The following MTHFS variants were observed in gnomAD, a reference collection of about 807,000 sequenced individuals.
MTHFS encodes methenyltetrahydrofolate synthetase.
A neutral mutation model predicts 12.7 loss-of-function variants in MTHFS; 7 were observed. The ratio of observed to expected loss-of-function variants is 0.55; its 90% CI spans 0.31 to 1.03. The LOEUF is 1.03. Among genes scored for constraint, MTHFS ranks in the 50% least tolerant of loss-of-function variants. The probability of loss-of-function intolerance (pLI) is 0.05; values close to 1 mark genes in which losing one functional copy is unlikely to be tolerated. For missense variants in MTHFS, 252 were observed against 258.1 expected, an observed-to-expected ratio of 0.98 and a Z score of 0.16; for synonymous variants, 100 against 97.1, an observed-to-expected ratio of 1.03 and a Z score of -0.18.
intron 2 of MTHFS, among the ~76,000 whole-genome samples, chr15:79,880,322 C>T (rs778141444): frequency 7.2e-5 from 11 of 151,952 alleles, no homozygotes; most frequent in Admixed American, 1.3e-4. Context: ...CCTTGTGATC[C>T]GCCTTCCTCA....
chr15:79,869,486 A>G (rs2034067252), intron 2 of MTHFS, among the ~76,000 whole-genome samples: 1 of 152,202 alleles, frequency 6.6e-6, no homozygotes. Context: ...TCTGTTGCCC[A>G]GGTGGGAGTG....
chr15:79,877,810 T>A (rs1255254038), intron 2 of MTHFS: 1 of 152,006 alleles, frequency 6.6e-6, no homozygotes, highest in East Asian at 1.9e-4. Context: ...AATGATGACT[T>A]CTCATCAGAA....
At chr15:79,888,054 T>C (rs2034410394) in intron 2 of MTHFS, among the ~76,000 whole-genome samples, 1 of 152,154 alleles carries the variant, frequency 6.6e-6, no homozygotes, top group Admixed American at 6.5e-5. Flanking sequence ...CACTTAAGTC[T>C]TAGTCAAAAA....
intron 2 of MTHFS, among the ~76,000 whole-genome samples, chr15:79,855,387 G>C (rs2033781320): frequency 6.6e-6 from 1 of 152,144 alleles, no homozygotes; most frequent in African/African-American, 2.4e-5. Context: ...TTGATAATCA[G>C]ATGGACCTAA....
chr15:79,878,710 C>T (rs2034242460), intron 2 of MTHFS, among the ~76,000 whole-genome samples: 1 of 151,518 alleles, frequency 6.6e-6, no homozygotes, highest in African/African-American at 2.4e-5. Flanking sequence ...TTTTTCTTCT[C>T]CCTATGTGGA....
intron 1 of MTHFS, chr15:79,896,650 C>A: frequency 1.2e-6 from 1 of 804,186 alleles, no homozygotes; most frequent in Non-Finnish European, 1.8e-6. Context: ...TCTTTAGCCC[C>A]ACAACTTTCA....
At chr15:79,892,370 TG>T (rs1211234700) in intron 1 of MTHFS, among the ~76,000 whole-genome samples, 1 of 152,000 alleles carries the variant, frequency 6.6e-6, no homozygotes, top group Non-Finnish European at 1.5e-5. Flanking sequence ...TAACAGACGA[TG>T]AAAAAGAATC....
At chr15:79,856,881 A>T (rs958774815) in intron 2 of MTHFS, among the ~76,000 whole-genome samples, 1 of 152,198 alleles carries the variant, frequency 6.6e-6, no homozygotes. Flanking sequence ...AAGAAAAAAA[A>T]GTCTAGCTTA....
chr15:79,879,826 A>G (rs745982006), intron 2 of MTHFS, among the ~76,000 whole-genome samples: 37 of 152,176 alleles, frequency 2.4e-4, no homozygotes, highest in Admixed American at 5.9e-4. Context: ...AACTCTGACT[A>G]AAATCAAAAT....
chr15:79,891,111 G>C (rs2034465005), intron 1 of MTHFS, among the ~76,000 whole-genome samples: 1 of 152,154 alleles, frequency 6.6e-6, no homozygotes, highest in African/African-American at 2.4e-5. Context: ...CCTAATTTCT[G>C]TAAGACAAAG....
At chr15:79,847,267 G>A (rs549876486) in intron 2 of MTHFS, among the ~76,000 whole-genome samples, 9 of 152,272 alleles carry the variant, frequency 5.9e-5, no homozygotes, top group Non-Finnish European at 1.3e-4. Flanking sequence ...TCAACCTGAG[G>A]AGTAGCAGAA....
chr15:79,855,612 C>T (rs1400516655), intron 2 of MTHFS, among the ~76,000 whole-genome samples: 2 of 152,100 alleles, frequency 1.3e-5, no homozygotes, highest in Non-Finnish European at 2.9e-5. Flanking sequence ...TATTTCATCA[C>T]CCAGGTACTA....
chr15:79,896,831 G>T, intron 1 of MTHFS, 41 bp downstream of exon 1: 1 of 1,538,184 alleles, frequency 6.5e-7, no homozygotes, highest in Admixed American at 2.0e-5. Context: ...GGCCTTCGGA[G>T]GGTCTGTCCG....
chr15:79,875,254 A>G (rs1419655541), intron 2 of MTHFS, among the ~76,000 whole-genome samples: 1 of 151,190 alleles, frequency 6.6e-6, no homozygotes, highest in African/African-American at 2.4e-5. Flanking sequence ...AGGGTCCCTG[A>G]CTTCCCGCAA....
At chr15:79,886,243 T>A (rs75867406) in intron 2 of MTHFS, among the ~76,000 whole-genome samples, 1 of 152,196 alleles carries the variant, frequency 6.6e-6, no homozygotes, top group Non-Finnish European at 1.5e-5. Flanking sequence ...TCTGATCAGC[T>A]TGTCCCAAAC....
At position 79,845,518 on chromosome 15, in the gene MTHFS, T is replaced by A; in HGVS notation, c.380-76A>T. On this transcript the variant is annotated intron_variant, in intron 2 of 2. Coordinates refer to ENST00000258874, the MANE Select transcript of MTHFS (RefSeq NM_006441.4). ...ATTTCAGGATGTGTTTTTTGTTTTGTAATGACATCAATTCTTTCTCTGATT... is the reference window on the plus strand; with the variant it reads ...ATTTCAGGATGTGTTTTTTGTTTTGAAATGACATCAATTCTTTCTCTGATT... The A allele has an allele frequency of 2.0e-6, 3 of 1,525,726 alleles. No homozygotes were observed. In the South Asian group the frequency reaches 3.8e-5, roughly 19 times the overall value. 94.5% of individuals were successfully genotyped at this position (1,525,726 alleles called of 1,614,324 possible).
intron 2 of MTHFS, among the ~76,000 whole-genome samples, chr15:79,886,288 T>C (rs2034381112): frequency 6.6e-6 from 1 of 152,210 alleles, no homozygotes; most frequent in Non-Finnish European, 1.5e-5. Flanking sequence ...AGCACTGAAG[T>C]TGTCACATTT....
At chr15:79,849,429 C>G (rs554557541) in intron 2 of MTHFS, among the ~76,000 whole-genome samples, 1 of 152,284 alleles carries the variant, frequency 6.6e-6, no homozygotes, top group East Asian at 1.9e-4. Context: ...TTTGGGAACA[C>G]TATGCTGGAT....
intron 2 of MTHFS, among the ~76,000 whole-genome samples, chr15:79,856,869 T>C (rs1034306535): frequency 7.2e-5 from 11 of 151,972 alleles, no homozygotes; most frequent in Admixed American, 6.5e-4. Context: ...GAGGGTGTAC[T>C]CAAGAAAAAA....
Sources: allele counts gnomAD v4.1 joint callset (sites outside exome capture counted in the v4.1 genomes callset), GRCh38; gene constraint gnomAD v4.1.1; transcripts MANE v1.5; gene names NCBI Gene and HGNC (gene_info 2026-07-23, HGNC 2026-07-21).